The following PTPRK variants were observed in gnomAD, a reference collection of about 807,000 sequenced individuals.
The protein encoded by PTPRK is receptor-type tyrosine-protein phosphatase kappa.
A neutral mutation model predicts 178.0 loss-of-function variants in PTPRK; 75 were observed. The observed-to-expected ratio is 0.42, with a 90% CI of 0.35 to 0.51. PTPRK has a LOEUF of 0.51. Among genes scored for constraint, PTPRK ranks in the 20% least tolerant of loss-of-function variants. The pLI, the probability that PTPRK is intolerant of heterozygous loss-of-function variation, is 0.02. For missense variants in PTPRK, 1,441 were observed against 1,797.8 expected (o/e 0.80, Z 3.59); for synonymous variants, 637 against 620.6 (o/e 1.03, Z -0.39).
intron 1 of PTPRK, among the ~76,000 whole-genome samples, chr6:128,457,173 A>G (rs1848502374): frequency 6.6e-6 from 1 of 152,170 alleles, no homozygotes; most frequent in African/African-American, 2.4e-5. Context: ...TTCAAAATTT[A>G]CATTATTATA....
At chr6:128,191,368 G>C (rs1031274398) in intron 6 of PTPRK, among the ~76,000 whole-genome samples, 2 of 152,246 alleles carry the variant, frequency 1.3e-5, no homozygotes, top group East Asian at 3.9e-4. Flanking sequence ...CATAGAAGCA[G>C]AGAGTAGAAT....
chr6:128,168,032 C>T (rs1799665618), intron 7 of PTPRK, among the ~76,000 whole-genome samples: 1 of 151,962 alleles, frequency 6.6e-6, no homozygotes, highest in Non-Finnish European at 1.5e-5. Flanking sequence ...AAAACATTAT[C>T]CTAAAAGCAG....
chr6:128,228,552 C>T (rs542731955), intron 5 of PTPRK, among the ~76,000 whole-genome samples: 2 of 148,390 alleles, frequency 1.3e-5, no homozygotes, highest in Admixed American at 1.3e-4. Context: ...TCCAGCTACT[C>T]GGGAGGCTGA....
intron 8 of PTPRK, among the ~76,000 whole-genome samples, chr6:128,084,580 A>C (rs987190120): frequency 6.6e-6 from 1 of 152,212 alleles, no homozygotes; most frequent in African/African-American, 2.4e-5. Flanking sequence ...CCATATTTGA[A>C]GAGCCTTTGC....
intron 15 of PTPRK, among the ~76,000 whole-genome samples, chr6:127,999,333 C>T (rs551675701): frequency 6.6e-6 from 1 of 152,056 alleles, no homozygotes; most frequent in East Asian, 2.0e-4. Context: ...GATACCCGAT[C>T]TAGGTGACCC....
At chr6:128,374,564 T>G (rs1004982610) in intron 2 of PTPRK, among the ~76,000 whole-genome samples, 7 of 152,116 alleles carry the variant, frequency 4.6e-5, no homozygotes, top group Non-Finnish European at 1.0e-4. Context: ...CTCCTATCTT[T>G]CTCTCACACC....
chr6:128,012,178 T>C (rs1310461896), intron 13 of PTPRK, among the ~76,000 whole-genome samples: 2 of 151,386 alleles, frequency 1.3e-5, no homozygotes, highest in African/African-American at 2.4e-5. Context: ...CATTTATTAC[T>C]ATCATTACTA....
chr6:128,211,291 C>CT (rs35180910), intron 6 of PTPRK, among the ~76,000 whole-genome samples: 2 of 152,060 alleles, frequency 1.3e-5, no homozygotes, highest in East Asian at 1.9e-4. Flanking sequence ...CAATATTTCC[C>CT]TTTTTTTCTA....
intron 13 of PTPRK, among the ~76,000 whole-genome samples, chr6:128,048,946 C>A (rs940008834): frequency 9.9e-5 from 15 of 152,070 alleles, no homozygotes; most frequent in African/African-American, 3.1e-4. Flanking sequence ...ACTTTTCTAT[C>A]CCCAGGGCCT....
intron 13 of PTPRK, among the ~76,000 whole-genome samples, chr6:128,029,687 A>AATC (rs1554272725): frequency 1.8e-3 from 251 of 140,158 alleles, no homozygotes; most frequent in South Asian, 4.4e-3. Flanking sequence ...TAATAATAAT[A>AATC]ATCCAGCCTC....
chr6:128,428,047 C>G (rs368694780), intron 1 of PTPRK, among the ~76,000 whole-genome samples: 5 of 152,022 alleles, frequency 3.3e-5, no homozygotes, highest in Admixed American at 3.3e-4. Flanking sequence ...GAGCCGAGAT[C>G]ACGCCACTGC....
Position 128,121,155 on chromosome 6 carries a change from A to G in PTPRK, c.1163-31163T>C, listed in dbSNP as rs537923863. Reference sequence around the variant, plus strand: ...CTACAAAATCAAAAACTTTGAAAACATAACTTAAAAAATAAAGGTAAAATA... The same window carrying G: ...CTACAAAATCAAAAACTTTGAAAACGTAACTTAAAAAATAAAGGTAAAATA... On this transcript the variant is annotated intron_variant, in intron 7 of 29. Transcript: ENST00000368226. Among the ~76,000 whole-genome samples the G allele has an allele frequency of 2.4e-4, 37 of 152,164 alleles. 1 individual carries two copies. The highest frequency in any genetic ancestry group is 1.4e-3 in the South Asian group (7 of 4,832).
In PTPRK at chr6:127,976,798, T is replaced by A; in HGVS notation, c.3844-16A>T. Reference sequence around the variant, plus strand: ...GAGGGCAGCCCTAAATGATGAACGTTTTGAAAGAAAAAAAAAAAGAGTATT... The same window carrying A: ...GAGGGCAGCCCTAAATGATGAACGTATTGAAAGAAAAAAAAAAAGAGTATT... On this transcript the variant is annotated splice_polypyrimidine_tract_variant and intron_variant, in intron 26 of 29. Coordinates refer to ENST00000368226, the MANE Select transcript of PTPRK (RefSeq NM_002844.4). 6.2e-7 allele frequency: 1 copy of A among 1,600,868 alleles called. No individual in the cohort carries two copies. The highest frequency in any genetic ancestry group is 1.7e-5 in the Admixed American group (1 of 57,690).
Position 127,976,703 on chromosome 6 carries a change from T to C in PTPRK, c.3923A>G (p.Asp1308Gly). The change falls in exon 27 of 30, where the codon GAC (aspartate) becomes GGC (glycine). Residue 1308 changes from aspartate to glycine, a missense_variant. Coordinates refer to ENST00000368226, the MANE Select transcript of PTPRK (RefSeq NM_002844.4). Reference sequence around the variant, plus strand: ...AAAAATCCGGTTGATCACATCACAGTCCATTGAACAAGACATACATTCCAC... The same window carrying C: ...AAAAATCCGGTTGATCACATCACAGCCCATTGAACAAGACATACATTCCAC... ...IQVECMSCSM[D>G]CDVINRIFRI... The C allele has an allele frequency of 1.9e-6, 3 of 1,613,940 alleles. No individual in the cohort carries two copies. Among genetic ancestry groups the C allele is most frequent in the Non-Finnish European group, 2.5e-6 (3 of 1,179,934 alleles).
At chr6:128,355,069 T>C (rs1833775496) in intron 2 of PTPRK, among the ~76,000 whole-genome samples, 2 of 152,218 alleles carry the variant, frequency 1.3e-5, no homozygotes, top group African/African-American at 2.4e-5. Flanking sequence ...AAAAAGCTGG[T>C]TTCCCTTATG....
intron 2 of PTPRK, among the ~76,000 whole-genome samples, chr6:128,376,311 C>CT (rs1837066316): frequency 6.6e-6 from 1 of 152,150 alleles, no homozygotes; most frequent in African/African-American, 2.4e-5. Flanking sequence ...TAACTCTTGA[C>CT]TTTCATGTAC....
At chr6:128,061,108 AT>A (rs552314440) in intron 13 of PTPRK, among the ~76,000 whole-genome samples, 310 of 151,686 alleles carry the variant, frequency 2.0e-3, no homozygotes, top group African/African-American at 7.1e-3. Context: ...TGGCTAAATA[AT>A]TTTTTTTTGT....
chr6:128,391,850 A>C (rs1839623244), intron 2 of PTPRK, among the ~76,000 whole-genome samples: 4 of 151,934 alleles, frequency 2.6e-5, no homozygotes, highest in Admixed American at 2.6e-4. Context: ...AAACTAAGAG[A>C]CTCATATCAT....
chr6:128,144,368 T>C (rs969367166), intron 7 of PTPRK, among the ~76,000 whole-genome samples: 3 of 152,244 alleles, frequency 2.0e-5, no homozygotes, highest in Non-Finnish European at 4.4e-5. Context: ...ATATTTGTAA[T>C]AAATGATCAA....
Sources: allele counts gnomAD v4.1 joint callset (sites outside exome capture counted in the v4.1 genomes callset), GRCh38; gene constraint gnomAD v4.1.1; transcripts MANE v1.5; gene names NCBI Gene and HGNC (gene_info 2026-07-23, HGNC 2026-07-21).